DNAH5: variants seen among roughly 807,000 people sequenced by gnomAD.
DNAH5 encodes axonemal beta dynein heavy chain 5.
In DNAH5, 372 loss-of-function variants were observed where a neutral mutation model predicts 518.2. The ratio of observed to expected loss-of-function variants is 0.72; its 90% CI spans 0.66 to 0.78. DNAH5 has a LOEUF of 0.78. Ranked by LOEUF, DNAH5 falls within the 30% of genes least tolerant of loss-of-function variation. DNAH5 has a pLI of 0.00. For missense variants in DNAH5, 5,523 were observed against 5,687.0 expected (o/e 0.97, Z 0.93); for synonymous variants, 2,039 against 2,025.9 (o/e 1.01, Z -0.17).
intron 65 of DNAH5, 66 bp from the exon 66 acceptor site, chr5:13,737,561 G>A (rs1429777820): frequency 3.9e-6 from 6 of 1,526,608 alleles, no homozygotes; most frequent in East Asian, 2.3e-5. Flanking sequence ...TCCTTAAGAC[G>A]TTAACCTACA....
intron 1 of DNAH5, among the ~76,000 whole-genome samples, chr5:13,952,311 T>G (rs1780478693): frequency 6.6e-6 from 1 of 152,234 alleles, no homozygotes; most frequent in South Asian, 2.1e-4. Context: ...ATTACAAGAA[T>G]GTGATCAGAG....
intron 30 of DNAH5, among the ~76,000 whole-genome samples, chr5:13,858,355 G>A (rs1767916100): frequency 6.6e-6 from 1 of 152,150 alleles, no homozygotes; most frequent in African/African-American, 2.4e-5. Flanking sequence ...ACTCATAAGT[G>A]GGAGTTGAAC....
Position 13,868,275 on chromosome 5 carries a change from T to G in DNAH5, c.3835-283A>C, listed in dbSNP as rs7727895. On this transcript the variant is annotated intron_variant, in intron 24 of 78. Transcript: ENST00000265104. ...ATGCATTTTGAAAACCATAAACCAT[T>G]AGACAAATAAAAGATATTTTTACTT... Among the ~76,000 whole-genome samples, 61,660 of 152,034 alleles carry G rather than the reference T, an allele frequency of 0.41. 12,754 individuals are homozygous for G. The highest frequency in any genetic ancestry group is 0.46 in the South Asian group (2,241 of 4,822).
At chr5:13,905,351 G>A (rs371747070) in intron 12 of DNAH5, among the ~76,000 whole-genome samples, 1 of 152,144 alleles carries the variant, frequency 6.6e-6, no homozygotes, top group African/African-American at 2.4e-5. Context: ...TATAAAAAAC[G>A]AGCTCAGCCC....
intron 47 of DNAH5, among the ~76,000 whole-genome samples, chr5:13,797,299 C>T (rs941546743): frequency 3.3e-5 from 5 of 151,946 alleles, no homozygotes; most frequent in Non-Finnish European, 5.9e-5. Flanking sequence ...TGCAATCTAC[C>T]CATCTGAAAA....
intron 6 of DNAH5, among the ~76,000 whole-genome samples, chr5:13,920,251 G>A (rs141211379): frequency 6.6e-6 from 1 of 152,204 alleles, no homozygotes; most frequent in East Asian, 1.9e-4. Context: ...GCAAAGTGCA[G>A]CGTTTGAGTG....
chr5:13,809,989 G>T (rs1293835137), intron 45 of DNAH5, 70 bp downstream of exon 45: 7 of 1,355,656 alleles, frequency 5.2e-6, no homozygotes, highest in South Asian at 1.2e-5. Context: ...AAATATATAT[G>T]GTGTAAATAT....
chr5:13,859,387 G>A, intron 30 of DNAH5, 65 bp downstream of exon 30: 1 of 1,543,268 alleles, frequency 6.5e-7, no homozygotes, highest in Non-Finnish European at 9.0e-7. Flanking sequence ...CATTATTTAA[G>A]GGGGTAATCG....
intron 63 of DNAH5, 48 bp downstream of exon 63, chr5:13,753,185 G>A (rs1419095336): frequency 7.1e-7 from 1 of 1,416,688 alleles, no homozygotes; most frequent in African/African-American, 1.4e-5. Context: ...GTTTATCTGA[G>A]GCAATAAAAC....
chr5:13,719,103 TGTCAATAGCA>T lies in DNAH5; in HGVS notation c.12280-12_12280-3del. On this transcript the variant is annotated splice_region_variant and splice_polypyrimidine_tract_variant and intron_variant, in intron 71 of 78. Transcript: ENST00000265104. The stretch of plus-strand genomic sequence containing the variant: ...GTTCTGCAGAAGTGCCCATCCTCCC[TGTCAATAGCA>T]GTAAACGGAAATTAGGTAGTTTTGT... 6.2e-7 allele frequency: 1 copy of T among 1,612,366 alleles called. No individual in the cohort carries two copies. The highest frequency in any genetic ancestry group is 1.1e-5 in the South Asian group (1 of 91,032).
At chr5:13,945,247 T>C (rs145564973), upstream of DNAH5, among the ~76,000 whole-genome samples, 81 of 152,374 alleles carry the variant, frequency 5.3e-4, 1 homozygote, top group East Asian at 0.012. Flanking sequence ...ATCTCTCATG[T>C]ATGGTTTCTC....
At chr5:14,009,776 G>C (rs1436760377) in intron 1 of DNAH5, among the ~76,000 whole-genome samples, 1 of 152,184 alleles carries the variant, frequency 6.6e-6, no homozygotes, top group Non-Finnish European at 1.5e-5. Context: ...CAGCTGGGGA[G>C]AGCAAGAGTT....
At chr5:13,805,445 C>T (rs1759437978) in intron 47 of DNAH5, among the ~76,000 whole-genome samples, 1 of 152,044 alleles carries the variant, frequency 6.6e-6, no homozygotes. Flanking sequence ...TTGCAGTGAG[C>T]CAAGATCACA....
At chr5:13,757,436 T>G (rs1751155474) in intron 61 of DNAH5, among the ~76,000 whole-genome samples, 1 of 152,372 alleles carries the variant, frequency 6.6e-6, no homozygotes, top group South Asian at 2.1e-4. Context: ...GGTTTTGATG[T>G]GCATTTCTCT....
At chr5:13,996,538 A>G (rs1339870787) in intron 1 of DNAH5, among the ~76,000 whole-genome samples, 1 of 152,240 alleles carries the variant, frequency 6.6e-6, no homozygotes, top group East Asian at 1.9e-4. Flanking sequence ...TGGGACAGAC[A>G]TAGGATAGAC....
intron 1 of DNAH5, among the ~76,000 whole-genome samples, chr5:13,959,841 C>T (rs1781039428): frequency 6.6e-6 from 1 of 152,158 alleles, no homozygotes; most frequent in African/African-American, 2.4e-5. Flanking sequence ...GTGACACATG[C>T]CTGTGATCCC....
chr5:13,729,593 C>T, intron 68 of DNAH5, 33 bp from the exon 69 acceptor site: 1 of 1,572,256 alleles, frequency 6.4e-7, no homozygotes, highest in Non-Finnish European at 8.7e-7. Context: ...ATCAGATTTC[C>T]CTTCCTTCAC....
Position 13,817,638 on chromosome 5 carries a change from G to A in DNAH5, c.6898C>T (p.Gln2300Ter), listed in dbSNP as rs1157521172. The change falls in exon 42 of 79, where the codon CAG becomes TAG. Residue 2300 changes from glutamine to a stop codon, truncating the protein, a stop_gained. Transcript: ENST00000265104. LOFTEE classifies it high-confidence loss of function. ...RMNPKAITAPQMFGRLDVATN... is the reference protein window; with the variant it reads ...RMNPKAITAP ...GCAACGTCCAGCCGACCAAACATCTGTGGGGCAGTAATCGCTTTGGGATTC... is the reference window on the plus strand; with the variant it reads ...GCAACGTCCAGCCGACCAAACATCTATGGGGCAGTAATCGCTTTGGGATTC... 4 of 1,614,190 alleles carry A rather than the reference G, an allele frequency of 2.5e-6. No homozygotes were observed. The highest frequency in any genetic ancestry group is 3.4e-6 in the Non-Finnish European group (4 of 1,180,024).
intron 55 of DNAH5, among the ~76,000 whole-genome samples, chr5:13,775,316 T>C (rs542974758): frequency 1.1e-3 from 170 of 152,172 alleles, no homozygotes; most frequent in Admixed American, 3.6e-3. Flanking sequence ...ACCACTACTG[T>C]CAATAGTGAA....
Sources: gnomAD v4.1 joint callset for allele counts (sites outside exome capture counted in the v4.1 genomes callset) on GRCh38, gnomAD v4.1.1 for gene constraint, MANE v1.5 for transcripts, NCBI Gene and HGNC (gene_info 2026-07-23, HGNC 2026-07-21) for gene names.